MCTP2: variants seen among roughly 807,000 people sequenced by gnomAD.
The protein encoded by MCTP2 is multiple C2 and transmembrane domain-containing protein 2.
Under a neutral mutation model 111.6 loss-of-function variants are expected in MCTP2, and 132 were observed. The ratio of observed to expected loss-of-function variants is 1.18; its 90% CI spans 1.03 to 1.37. MCTP2 has a LOEUF of 1.37. MCTP2 is among the 40% of genes most tolerant of loss of function. The pLI, the probability that MCTP2 is intolerant of heterozygous loss-of-function variation, is 0.00. For synonymous variants in MCTP2, 395 were observed against 387.7 expected (o/e 1.02, Z -0.22); for missense variants, 1,183 against 1,067.9 (o/e 1.11, Z -1.50).
At chr15:94,297,572 T>G (rs2075332363) in intron 1 of MCTP2, among the ~76,000 whole-genome samples, 1 of 152,136 alleles carries the variant, frequency 6.6e-6, no homozygotes. Context: ...AACGTACACT[T>G]AATTCTGGGA....
At chr15:94,461,179 G>T (rs1448390059) in intron 20 of MCTP2, among the ~76,000 whole-genome samples, 1 of 152,102 alleles carries the variant, frequency 6.6e-6, no homozygotes, top group Non-Finnish European at 1.5e-5. Flanking sequence ...GTAGCATTTG[G>T]CTGGGCACGG....
chr15:94,325,640 C>G (rs1036986083), intron 4 of MCTP2, among the ~76,000 whole-genome samples: 1 of 150,336 alleles, frequency 6.7e-6, no homozygotes, highest in Non-Finnish European at 1.5e-5. Context: ...AAATGAGAGA[C>G]TCTTTTAAAA....
At chr15:94,244,586 A>T (rs1226199447) in intron 1 of MCTP2, among the ~76,000 whole-genome samples, 1 of 147,978 alleles carries the variant, frequency 6.8e-6, no homozygotes, top group African/African-American at 2.5e-5. Flanking sequence ...ATACACATAC[A>T]TATGCACCTA....
chr15:94,461,024 TTG>T (rs1567756391), intron 20 of MCTP2, among the ~76,000 whole-genome samples: 1 of 151,580 alleles, frequency 6.6e-6, no homozygotes, highest in African/African-American at 2.4e-5. Flanking sequence ...TACTGATGGG[TTG>T]GGGGGGACCC....
intron 10 of MCTP2, among the ~76,000 whole-genome samples, chr15:94,365,828 TA>T (rs1267381038): frequency 6.6e-6 from 1 of 152,190 alleles, no homozygotes; most frequent in African/African-American, 2.4e-5. Flanking sequence ...TTAATGGTAT[TA>T]AAAAGAATGT....
chr15:94,290,000 G>GA, intron 1 of MCTP2, among the ~76,000 whole-genome samples: 1 of 152,196 alleles, frequency 6.6e-6, no homozygotes, highest in Non-Finnish European at 1.5e-5. Flanking sequence ...TGAAGATGGA[G>GA]AAAGGGGTCA....
chr15:94,266,842 A>T (rs1490956185), intron 1 of MCTP2, among the ~76,000 whole-genome samples: 1 of 152,220 alleles, frequency 6.6e-6, no homozygotes, highest in Non-Finnish European at 1.5e-5. Flanking sequence ...CTTGGTTCAG[A>T]ACAATGTAAA....
At chr15:94,463,413 A>G (rs1385765685) in intron 20 of MCTP2, among the ~76,000 whole-genome samples, 7 of 152,184 alleles carry the variant, frequency 4.6e-5, no homozygotes, top group African/African-American at 9.6e-5. Flanking sequence ...TGTTACTCAC[A>G]TATAGACATG....
At chr15:94,318,095 TC>T (rs1218107286) in intron 4 of MCTP2, among the ~76,000 whole-genome samples, 2 of 152,138 alleles carry the variant, frequency 1.3e-5, no homozygotes, top group African/African-American at 4.8e-5. Flanking sequence ...CTTACCCTGA[TC>T]CGGCACAGTG....
chr15:94,404,179 GT>G (rs376761737), intron 17 of MCTP2, among the ~76,000 whole-genome samples: 4 of 151,756 alleles, frequency 2.6e-5, no homozygotes, highest in Admixed American at 6.6e-5. Flanking sequence ...ATTAAAAGTT[GT>G]TTTTTTATTC....
Position 94,385,416 on chromosome 15 carries a change from G to A in MCTP2, c.1686-7G>A. 1.3e-6 allele frequency: 2 copies of A among 1,589,268 alleles called. No homozygotes were observed. The highest frequency in any genetic ancestry group is 1.7e-6 in the Non-Finnish European group (2 of 1,157,962). ...TTTGTGTATAATACATGGTATTTTT[G>A]TTACAGTCCCATTAAAGATATCCAT... On this transcript the variant is annotated splice_region_variant and splice_polypyrimidine_tract_variant and intron_variant, in intron 13 of 22. Coordinates refer to ENST00000357742, the MANE Select transcript of MCTP2 (RefSeq NM_001385001.1).
rs1314660405 is a variant in MCTP2, at chr15:94,298,625, AGAGGAGG to A, written c.361_367del (p.Glu121ProfsTer41). On this transcript the variant is annotated frameshift_variant, in exon 2 of 23. Coordinates refer to ENST00000357742, the MANE Select transcript of MCTP2 (RefSeq NM_001385001.1). LOFTEE classifies it high-confidence loss of function. ...ACCTCCATGTGGTGGAAACAGACTC[AGAGGAGG>A]CCTATGCCTCTCCTGCTGAGCGGAG... The A allele has an allele frequency of 6.2e-7, 1 of 1,613,804 alleles. No homozygotes were observed. The highest frequency in any genetic ancestry group is 2.2e-5 in the East Asian group (1 of 44,872).
At chr15:94,329,530 G>T (rs187908829) in intron 4 of MCTP2, among the ~76,000 whole-genome samples, 71 of 152,306 alleles carry the variant, frequency 4.7e-4, no homozygotes, top group African/African-American at 1.6e-3. Flanking sequence ...GCAAGAGAGA[G>T]AGAGCAGGGA....
intron 21 of MCTP2, among the ~76,000 whole-genome samples, chr15:94,475,980 G>A (rs531579001): frequency 2.0e-5 from 3 of 152,250 alleles, no homozygotes; most frequent in African/African-American, 7.2e-5. Context: ...ACAGACCCAC[G>A]CACCGACGTT....
At chr15:94,235,189 TGCA>T (rs1353985185) in intron 1 of MCTP2, among the ~76,000 whole-genome samples, 1 of 151,214 alleles carries the variant, frequency 6.6e-6, no homozygotes, top group Non-Finnish European at 1.5e-5. Context: ...AGGCGGAGGT[TGCA>T]GCAGTGAGCC....
chr15:94,404,139 C>G (rs2081767728), intron 17 of MCTP2, among the ~76,000 whole-genome samples: 2 of 152,002 alleles, frequency 1.3e-5, no homozygotes, highest in Non-Finnish European at 1.5e-5. Context: ...GTGGATAATT[C>G]CCCTCCCTAA....
chr15:94,456,220 A>G (rs569738194), intron 19 of MCTP2, among the ~76,000 whole-genome samples: 32 of 152,348 alleles, frequency 2.1e-4, no homozygotes, highest in African/African-American at 7.7e-4. Context: ...TACTCCAAAC[A>G]TCAAATTCAT....
chr15:94,315,394 TGAG>T (rs1596336070), intron 3 of MCTP2, 132 bp from the exon 4 acceptor site: 4 of 614,328 alleles, frequency 6.5e-6, no homozygotes, highest in African/African-American at 1.8e-5. Context: ...GTTGTCATAG[TGAG>T]GAGGAGTTGG....
At chr15:94,402,331 A>G in intron 17 of MCTP2, 1 of 985,316 alleles carries the variant, frequency 1.0e-6, no homozygotes, top group Non-Finnish European at 1.2e-6. Flanking sequence ...ATAATTTCTG[A>G]AAAATGGCAT....
Sources: allele counts gnomAD v4.1 joint callset (sites outside exome capture counted in the v4.1 genomes callset), GRCh38; gene constraint gnomAD v4.1.1; transcripts MANE v1.5; gene names NCBI Gene and HGNC (gene_info 2026-07-23, HGNC 2026-07-21).